Variants in CCSER1 observed in about 807,000 individuals in gnomAD.
CCSER1 encodes the protein serine-rich coiled-coil domain-containing protein 1.
CCSER1 carries 41 observed loss-of-function variants against 82.0 expected under a neutral mutation model. That is an observed-to-expected ratio of 0.50 (90% CI 0.39 to 0.65). The LOEUF (loss-of-function observed/expected upper bound fraction) is 0.65. Among genes scored for constraint, CCSER1 ranks in the 30% least tolerant of loss-of-function variants. The pLI, the probability that CCSER1 is intolerant of heterozygous loss-of-function variation, is 0.00. For missense variants in CCSER1, 1,119 were observed against 1,064.2 expected (o/e 1.05, Z -0.72); for synonymous variants, 414 against 383.9 (o/e 1.08, Z -0.92).
intron 1 of CCSER1, among the ~76,000 whole-genome samples, chr4:90,155,207 T>G (rs887124365): frequency 1.3e-5 from 2 of 152,172 alleles, no homozygotes; most frequent in Admixed American, 6.5e-5. Context: ...TATTGAACCA[T>G]CCTTGCATCC....
intron 9 of CCSER1, among the ~76,000 whole-genome samples, chr4:91,067,049 C>T (rs1720893580): frequency 6.6e-6 from 1 of 152,018 alleles, no homozygotes; most frequent in African/African-American, 2.4e-5. Flanking sequence ...CCTGTAGTCC[C>T]AGCTATTTGG....
intron 10 of CCSER1, among the ~76,000 whole-genome samples, chr4:91,263,664 T>C (rs556691678): frequency 1.3e-4 from 20 of 152,072 alleles, no homozygotes; most frequent in African/African-American, 4.6e-4. Context: ...TTATTTTAAA[T>C]ATTGGGCATT....
chr4:90,444,038 A>G (rs751688470), intron 4 of CCSER1, among the ~76,000 whole-genome samples: 3 of 151,950 alleles, frequency 2.0e-5, no homozygotes, highest in Non-Finnish European at 4.4e-5. Flanking sequence ...TTTTGGGACA[A>G]CTGTTGGTTG....
chr4:91,332,843 C>A (rs1257090903), intron 10 of CCSER1, among the ~76,000 whole-genome samples: 1 of 151,854 alleles, frequency 6.6e-6, no homozygotes, highest in Non-Finnish European at 1.5e-5. Context: ...TGTCATTTTC[C>A]CTGTAAAGTT....
chr4:90,250,699 A>AT (rs1168228334), intron 1 of CCSER1, among the ~76,000 whole-genome samples: 1 of 151,998 alleles, frequency 6.6e-6, no homozygotes, highest in Non-Finnish European at 1.5e-5. Flanking sequence ...TTGTGGCTTC[A>AT]TTTTCATATG....
intron 5 of CCSER1, among the ~76,000 whole-genome samples, chr4:90,546,725 G>A (rs1020794208): frequency 6.6e-6 from 1 of 151,942 alleles, no homozygotes; most frequent in Non-Finnish European, 1.5e-5. Context: ...TTTCAACATT[G>A]TGTTCTTTCT....
intron 10 of CCSER1, among the ~76,000 whole-genome samples, chr4:91,113,850 A>T (rs898945153): frequency 9.6e-5 from 14 of 146,120 alleles, no homozygotes; most frequent in Admixed American, 2.0e-4. Context: ...TGATATCTAC[A>T]TTTTTTTTTT....
chr4:91,080,015 G>A (rs1417598524), intron 9 of CCSER1, among the ~76,000 whole-genome samples: 1 of 152,100 alleles, frequency 6.6e-6, no homozygotes, highest in African/African-American at 2.4e-5. Flanking sequence ...CAACAAGACA[G>A]AAAGTTAATA....
intron 6 of CCSER1, among the ~76,000 whole-genome samples, chr4:90,698,499 G>A (rs1381634151): frequency 6.6e-6 from 1 of 152,136 alleles, no homozygotes; most frequent in African/African-American, 2.4e-5. Flanking sequence ...AGTTGGCAAA[G>A]CATTCCCCAT....
intron 4 of CCSER1, among the ~76,000 whole-genome samples, chr4:90,449,029 G>A (rs1286581459): frequency 2.0e-5 from 3 of 152,166 alleles, no homozygotes; most frequent in African/African-American, 7.2e-5. Flanking sequence ...ATTTCTGCAG[G>A]CAGATTGTCC....
intron 8 of CCSER1, among the ~76,000 whole-genome samples, chr4:90,820,006 G>T (rs1759523999): frequency 6.6e-6 from 1 of 152,142 alleles, no homozygotes. Flanking sequence ...TTCACAGCAT[G>T]GAACATCTAC....
At chr4:90,216,190 C>T (rs1740983586) in intron 1 of CCSER1, among the ~76,000 whole-genome samples, 1 of 152,170 alleles carries the variant, frequency 6.6e-6, no homozygotes, top group African/African-American at 2.4e-5. Flanking sequence ...GAATTTAAGG[C>T]TTAATCCCGG....
At chr4:90,373,734 T>C (rs1409731422) in intron 3 of CCSER1, among the ~76,000 whole-genome samples, 1 of 152,206 alleles carries the variant, frequency 6.6e-6, no homozygotes, top group Non-Finnish European at 1.5e-5. Flanking sequence ...GTGTTGTGAG[T>C]AAACTTGCTG....
intron 1 of CCSER1, among the ~76,000 whole-genome samples, chr4:90,246,115 G>A (rs557086404): frequency 1.3e-5 from 2 of 152,128 alleles, no homozygotes; most frequent in Non-Finnish European, 2.9e-5. Flanking sequence ...CAAAGATAAT[G>A]TAGTCTTTAT....
intron 5 of CCSER1, among the ~76,000 whole-genome samples, chr4:90,527,380 TAAAACCAC>T (rs1773922065): frequency 6.6e-6 from 1 of 152,188 alleles, no homozygotes; most frequent in South Asian, 2.1e-4. Flanking sequence ...AAATGCAAAT[TAAAACCAC>T]AATGAGATAT....
intron 10 of CCSER1, among the ~76,000 whole-genome samples, chr4:91,107,644 T>C (rs1426520929): frequency 6.6e-6 from 1 of 150,790 alleles, no homozygotes. Context: ...TTTCTCTTTT[T>C]TTTTTTTTTT....
intron 3 of CCSER1, among the ~76,000 whole-genome samples, chr4:90,352,018 T>C (rs1490888675): frequency 6.6e-6 from 1 of 152,152 alleles, no homozygotes; most frequent in Admixed American, 6.5e-5. Flanking sequence ...TAAATCTATG[T>C]TCTCATTAAA....
chr4:90,841,937 A>G (rs1445122189), intron 8 of CCSER1, among the ~76,000 whole-genome samples: 8 of 152,222 alleles, frequency 5.3e-5, no homozygotes, highest in Non-Finnish European at 1.2e-4. Context: ...TGACTCACAA[A>G]TAGGAACTTA....
At position 91,301,562 on chromosome 4, in the gene CCSER1, A is replaced by C. The variant is rs188133789; in HGVS notation, c.2217+215568A>C. The stretch of plus-strand genomic sequence containing the variant: ...ATAGTATATATATATATATATGTAC[A>C]AAATAGAACAGAGGGATATATTAAG... On this transcript the variant is annotated intron_variant, in intron 10 of 10. Coordinates refer to ENST00000509176, the MANE Select transcript of CCSER1 (RefSeq NM_001145065.2). Among the ~76,000 whole-genome samples, 22 of 150,810 alleles carry C rather than the reference A, an allele frequency of 1.5e-4. No homozygotes were observed. In the East Asian group the frequency reaches 4.3e-3, roughly 29 times the overall value.
Sources: gnomAD v4.1 joint callset for allele counts (sites outside exome capture counted in the v4.1 genomes callset) on GRCh38, gnomAD v4.1.1 for gene constraint, MANE v1.5 for transcripts, NCBI Gene and HGNC (gene_info 2026-07-23, HGNC 2026-07-21) for gene names.